AQP4: variants seen among roughly 807,000 people sequenced by gnomAD.
AQP4 encodes the protein aquaporin-4.
AQP4 carries 18 observed loss-of-function variants against 27.8 expected under a neutral mutation model. The ratio of observed to expected loss-of-function variants is 0.65; its 90% CI spans 0.45 to 0.96. AQP4 has a LOEUF of 0.96. Among genes scored for constraint, AQP4 ranks in the 40% least tolerant of loss-of-function variants. AQP4 has a pLI of 0.00. For missense variants in AQP4, 412 were observed against 408.2 expected (o/e 1.01, Z -0.08); for synonymous variants, 141 against 142.9 (o/e 0.99, Z 0.10).
In AQP4 at chr18:26,852,841, G is replaced by T; in HGVS notation, c.*3370C>A. 2.5e-6 allele frequency: 1 copy of T among 398,544 alleles called. No individual in the cohort carries two copies. Among genetic ancestry groups the T allele is most frequent in the Non-Finnish European group, 4.4e-6 (1 of 226,018 alleles). 24.7% of individuals were successfully genotyped at this position (398,544 alleles called of 1,614,324 possible). A position where few individuals can be genotyped will look rare whatever the true frequency, so the allele number is the denominator to read the frequency against. ...GGCTTTTATATTGTTTGATAAGGTT[G>T]TCTGTGCCCCCCAGACTTCCATCTT... On this transcript the variant is annotated 3_prime_UTR_variant, in exon 5 of 5. Transcript: ENST00000383168.
rs767059912 is a variant in AQP4 at position 26,856,306 on chromosome 18, T to A, written c.877A>T (p.Ile293Phe). The A allele has an allele frequency of 1.2e-6, 2 of 1,614,224 alleles. No individual in the cohort carries two copies. Among genetic ancestry groups the A allele is most frequent in the Admixed American group, 3.3e-5 (2 of 60,036 alleles). Reference sequence around the variant, plus strand: ...ACATGCACCACTCCAGGTTTTAGAATCAGGTCATCCGTCTCTACCTGACTC... The same window carrying A: ...ACATGCACCACTCCAGGTTTTAGAAACAGGTCATCCGTCTCTACCTGACTC... ...NRSQVETDDLILKPGVVHVID... is the reference protein window; with the variant it reads ...NRSQVETDDLFLKPGVVHVID... Residue 293 changes from isoleucine to phenylalanine, a missense_variant, in exon 5 of 5, where the codon ATT becomes TTT. Transcript: ENST00000383168.
chr18:26,858,951 C>T (rs963225979), intron 4 of AQP4, among the ~76,000 whole-genome samples: 1 of 152,154 alleles, frequency 6.6e-6, no homozygotes, highest in Non-Finnish European at 1.5e-5. Flanking sequence ...TTTCTACCTA[C>T]AAATATACTT....
In AQP4 at chr18:26,856,475, C is replaced by G; in HGVS notation, c.708G>C (p.Gly236=). 1 of 1,614,140 alleles carries G rather than the reference C, an allele frequency of 6.2e-7. No homozygotes were observed. Among genetic ancestry groups the G allele is most frequent in the Non-Finnish European group, 8.5e-7 (1 of 1,180,010 alleles). The part of the protein sequence containing the change: ...NWENHWIYWV[G]PIIGAVLAGG... ...CAGCGAGGACAGCTCCTATGATGGGCCCAACCCAATATATCTAAGGAAAAG... is the reference window on the plus strand; with the variant it reads ...CAGCGAGGACAGCTCCTATGATGGGGCCAACCCAATATATCTAAGGAAAAG... Residue 236 remains glycine (G), a synonymous_variant, in exon 5 of 5, where the codon GGG becomes GGC. Transcript: ENST00000383168.
chr18:26,854,912 T>C lies in AQP4; in HGVS notation c.*1299A>G, dbSNP rs576002960. The C allele has an allele frequency of 3.3e-5, 5 of 152,280 alleles. No individual in the cohort carries two copies. Among genetic ancestry groups the C allele is most frequent in the African/African-American group, 9.6e-5 (4 of 41,558 alleles). The allele number at this position is 152,280 out of a possible 1,614,324, so 9.4% of individuals were successfully genotyped here. On this transcript the variant is annotated 3_prime_UTR_variant, in exon 5 of 5. Coordinates refer to ENST00000383168, the MANE Select transcript of AQP4 (RefSeq NM_001650.7). ...CAGAAAAACCAATTATTTTGACAAG[T>C]AAGTGAGTCAGTAACAAAAATAGTT...
chr18:26,861,658 T>A (rs940163893), intron 2 of AQP4, among the ~76,000 whole-genome samples: 3 of 152,210 alleles, frequency 2.0e-5, no homozygotes, highest in Admixed American at 6.5e-5. Context: ...AGGTTTAAAT[T>A]AATTAATATA....
chr18:26,865,518 C>T, intron 1 of AQP4, 140 bp downstream of exon 1: 1 of 1,039,604 alleles, frequency 9.6e-7, no homozygotes, highest in Non-Finnish European at 1.5e-6. Flanking sequence ...ATGCCCAGTA[C>T]TCAGATCTAA....
upstream of AQP4, chr18:26,865,711 GCT>G: frequency 6.2e-7 from 1 of 1,614,124 alleles, no homozygotes; most frequent in African/African-American, 1.3e-5. Flanking sequence ...CCAGAGTGCA[GCT>G]CTCATTGCCT....
At position 26,856,124 on chromosome 18, in the gene AQP4, T is replaced by TTATAACAAATCTGTTTC; in HGVS notation, c.*70_*86dup. 6.6e-7 allele frequency: 1 copy of TTATAACAAATCTGTTTC among 1,520,572 alleles called. No homozygotes were observed. Among genetic ancestry groups the TTATAACAAATCTGTTTC allele is most frequent in the East Asian group, 2.3e-5 (1 of 44,434 alleles). 94.2% of individuals were successfully genotyped at this position (1,520,572 alleles called of 1,614,324 possible). A position where few individuals can be genotyped will look rare whatever the true frequency, so the allele number is the denominator to read the frequency against. On this transcript the variant is annotated 3_prime_UTR_variant, in exon 5 of 5. Transcript: ENST00000383168. The stretch of plus-strand genomic sequence containing the variant: ...AACAACAAACCTGCACATTTCTAAT[T>TTATAACAAATCTGTTTC]TATAACAAATCTGTTTCCTTAATGG...
At position 26,856,339 on chromosome 18, in the gene AQP4, C is replaced by G; in HGVS notation, c.844G>C (p.Asp282His). 1 of 1,614,202 alleles carries G rather than the reference C, an allele frequency of 6.2e-7. No individual in the cohort carries two copies. The highest frequency in any genetic ancestry group is 1.1e-5 in the South Asian group (1 of 91,084). ...TCCGTCTCTACCTGACTCCTGTTGT[C>G]CTCCACCTCCATGTAGCTTCCTTTT... The part of the protein sequence containing the change: ...QTKGSYMEVE[D>H]NRSQVETDDL... The change falls in exon 5 of 5, where the codon GAC (aspartate) becomes CAC (histidine). Residue 282 changes from aspartate to histidine, a missense_variant. Transcript: ENST00000383168.
rs2054810147 is a variant in AQP4, at chr18:26,854,633, A to G, written c.*1578T>C. On this transcript the variant is annotated 3_prime_UTR_variant, in exon 5 of 5. Transcript: ENST00000383168. ...TAGTGGTCCATTATCTCACTGCCAC[A>G]GACACACAACTGCCATTAACGCTAA... is the stretch of plus-strand genomic sequence containing the variant. 6.6e-6 allele frequency: 1 copy of G among 152,666 alleles called. No individual in the cohort carries two copies. The highest frequency in any genetic ancestry group is 2.4e-5 in the African/African-American group (1 of 41,456). 9.5% of individuals were successfully genotyped at this position (152,666 alleles called of 1,614,324 possible).
Position 26,853,769 on chromosome 18 carries a change from T to C in AQP4, c.*2442A>G, listed in dbSNP as rs2144941072. On this transcript the variant is annotated 3_prime_UTR_variant, in exon 5 of 5. Coordinates refer to ENST00000383168, the MANE Select transcript of AQP4 (RefSeq NM_001650.7). ...TAGAAAGGTACAATTTCATTACTTT[T>C]TACTGGCAGAGCCTTGAGTGAAATA... 6.5e-6 allele frequency: 1 copy of C among 152,774 alleles called. No homozygotes were observed. Among genetic ancestry groups the C allele is most frequent in the African/African-American group, 2.4e-5 (1 of 41,582 alleles). The allele number at this position is 152,774 out of a possible 1,614,324, so 9.5% of individuals were successfully genotyped here.
Position 26,856,416 on chromosome 18 carries a change from A to T in AQP4, c.767T>A (p.Val256Asp), listed in dbSNP as rs1246183799. The T allele has an allele frequency of 1.2e-6, 2 of 1,614,228 alleles. No homozygotes were observed. The highest frequency in any genetic ancestry group is 2.2e-5 in the South Asian group (2 of 91,090). Residue 256 changes from valine (V) to aspartate (D), a missense_variant, in exon 5 of 5, where the codon GTT becomes GAT. Transcript: ENST00000383168. Reference protein sequence around the residue: ...GLYEYVFCPDVEFKRRFKEAF... With the variant: ...GLYEYVFCPDDEFKRRFKEAF... ...TTCTTTAAAACGACGTTTGAATTCA[A>T]CATCTGGACAGAAGACATACTCATA...
upstream of AQP4, chr18:26,865,758 A>G: frequency 6.3e-7 from 1 of 1,590,546 alleles, no homozygotes. Flanking sequence ...GAGTCAGATT[A>G]CGGCCACTTG....
At chr18:26,858,443 A>C (rs1289778749) in intron 4 of AQP4, among the ~76,000 whole-genome samples, 2 of 152,212 alleles carry the variant, frequency 1.3e-5, no homozygotes, top group Non-Finnish European at 2.9e-5. Context: ...TTGCATCCTC[A>C]TTGTAAGATT....
At chr18:26,863,853 G>A (rs1348207202) in intron 1 of AQP4, among the ~76,000 whole-genome samples, 3 of 152,188 alleles carry the variant, frequency 2.0e-5, no homozygotes, top group Non-Finnish European at 2.9e-5. Context: ...GGTGGGCAGG[G>A]AGTCTGGGAG....
At chr18:26,864,543 T>C (rs527748334) in intron 1 of AQP4, among the ~76,000 whole-genome samples, 6 of 152,074 alleles carry the variant, frequency 3.9e-5, no homozygotes, top group Non-Finnish European at 8.8e-5. Context: ...AAAACGATGG[T>C]TGCAATGGGG....
In AQP4 at chr18:26,855,094, C is replaced by T. The variant is rs1339543992; in HGVS notation, c.*1117G>A. On this transcript the variant is annotated 3_prime_UTR_variant, in exon 5 of 5. Coordinates refer to ENST00000383168, the MANE Select transcript of AQP4 (RefSeq NM_001650.7). ...ATTTTAATTCACTCAAATATCATTA[C>T]ACTTGCAGTAAAGATTATCAACAAA... 2 of 152,198 alleles carry T rather than the reference C, an allele frequency of 1.3e-5. No homozygotes were observed. Among genetic ancestry groups the T allele is most frequent in the Non-Finnish European group, 2.9e-5 (2 of 68,038 alleles). 9.4% of individuals were successfully genotyped at this position (152,198 alleles called of 1,614,324 possible). A position where few individuals can be genotyped will look rare whatever the true frequency, so the allele number is the denominator to read the frequency against.
Position 26,853,554 on chromosome 18 carries a change from T to C in AQP4, c.*2657A>G, listed in dbSNP as rs61327137. ...GCATTGTTTCATGGCTGGGTATAATTCATTTATGTCTTCCCAGTTTTTCCT... is the reference window on the plus strand; with the variant it reads ...GCATTGTTTCATGGCTGGGTATAATCCATTTATGTCTTCCCAGTTTTTCCT... On this transcript the variant is annotated 3_prime_UTR_variant, in exon 5 of 5. Transcript: ENST00000383168. The C allele has an allele frequency of 0.032, 4,832 of 152,438 alleles. 99 individuals carry two copies. The highest frequency in any genetic ancestry group is 0.099 in the South Asian group (478 of 4,820). The allele number at this position is 152,438 out of a possible 1,614,324, so 9.4% of individuals were successfully genotyped here.
At position 26,855,970 on chromosome 18, in the gene AQP4, G is replaced by A. The variant is rs1308151731; in HGVS notation, c.*241C>T. ...AATGAAAGGTAACTAGATAAAATAGGTATATATTTGCTTAAGAACATTTTA... is the reference window on the plus strand; with the variant it reads ...AATGAAAGGTAACTAGATAAAATAGATATATATTTGCTTAAGAACATTTTA... On this transcript the variant is annotated 3_prime_UTR_variant, in exon 5 of 5. Coordinates refer to ENST00000383168, the MANE Select transcript of AQP4 (RefSeq NM_001650.7). 5 of 518,324 alleles carry A rather than the reference G, an allele frequency of 9.6e-6. No homozygotes were observed. Among genetic ancestry groups the A allele is most frequent in the Non-Finnish European group, 1.4e-5 (4 of 292,704 alleles). The allele number at this position is 518,324 out of a possible 1,614,324, so 32.1% of individuals were successfully genotyped here. A position where few individuals can be genotyped will look rare whatever the true frequency, so the allele number is the denominator to read the frequency against.
Sources: allele counts gnomAD v4.1 joint callset (sites outside exome capture counted in the v4.1 genomes callset), GRCh38; gene constraint gnomAD v4.1.1; transcripts MANE v1.5; gene names NCBI Gene and HGNC (gene_info 2026-07-23, HGNC 2026-07-21).